SCAPER: variants seen among roughly 807,000 people sequenced by gnomAD.
SCAPER encodes S phase cyclin A-associated protein in the endoplasmic reticulum.
SCAPER carries 98 observed loss-of-function variants against 182.2 expected under a neutral mutation model. The ratio of observed to expected loss-of-function variants is 0.54; its 90% CI spans 0.46 to 0.64. The LOEUF (loss-of-function observed/expected upper bound fraction) is 0.64, where lower values mean the gene tolerates loss of function less well. SCAPER is among the 30% of genes least tolerant of loss of function. The pLI is 0.00. For synonymous variants in SCAPER, 605 were observed against 564.6 expected (o/e 1.07, Z -1.01); for missense variants, 1,432 against 1,690.0 (o/e 0.85, Z 2.68).
At chr15:76,517,295 G>A (rs2042502676) in intron 23 of SCAPER, among the ~76,000 whole-genome samples, 1 of 151,270 alleles carries the variant, frequency 6.6e-6, no homozygotes, top group Admixed American at 6.6e-5. Flanking sequence ...TAGAAGGGTT[G>A]CAAGGATAGT....
At chr15:76,733,121 A>C in intron 16 of SCAPER, 108 bp downstream of exon 16, 9 of 970,326 alleles carry the variant, frequency 9.3e-6, no homozygotes, top group African/African-American at 1.6e-5. Flanking sequence ...TTATTTCTAC[A>C]ATCTCCCATC....
At chr15:76,397,006 AG>A (rs1459628318) in intron 27 of SCAPER, among the ~76,000 whole-genome samples, 47 of 133,056 alleles carry the variant, frequency 3.5e-4, no homozygotes, top group Non-Finnish European at 7.0e-4. Flanking sequence ...ATTTTTTGAG[AG>A]TTTTTTTTTT....
chr15:76,567,031 A>G (rs1027401706), intron 23 of SCAPER, among the ~76,000 whole-genome samples: 3 of 152,042 alleles, frequency 2.0e-5, no homozygotes, highest in African/African-American at 7.2e-5. Context: ...CATGATCCTG[A>G]TTTTTAGGAA....
At chr15:76,535,439 G>A (rs994982665) in intron 23 of SCAPER, among the ~76,000 whole-genome samples, 2 of 143,696 alleles carry the variant, frequency 1.4e-5, no homozygotes, top group Admixed American at 7.2e-5. Context: ...GGAGAATGGT[G>A]TGAACCCAGG....
intron 22 of SCAPER, among the ~76,000 whole-genome samples, chr15:76,592,145 G>T (rs1238864272): frequency 6.6e-6 from 1 of 151,476 alleles, no homozygotes; most frequent in Non-Finnish European, 1.5e-5. Context: ...GAGATATATA[G>T]GTAATATATA....
intron 22 of SCAPER, among the ~76,000 whole-genome samples, chr15:76,584,803 C>A (rs1318557146): frequency 6.6e-6 from 1 of 152,172 alleles, no homozygotes; most frequent in Admixed American, 6.5e-5. Flanking sequence ...CCTCCTGCCT[C>A]AGCCTCCCAA....
At chr15:76,460,322 A>G (rs2049068952) in intron 25 of SCAPER, among the ~76,000 whole-genome samples, 1 of 152,090 alleles carries the variant, frequency 6.6e-6, no homozygotes, top group South Asian at 2.1e-4. Flanking sequence ...TTTTATAGCT[A>G]TTATAGAAGG....
chr15:76,444,572 T>C (rs1398737030), intron 25 of SCAPER, among the ~76,000 whole-genome samples: 1 of 152,222 alleles, frequency 6.6e-6, no homozygotes, highest in East Asian at 1.9e-4. Context: ...AATTTACCTT[T>C]TGTTTATTCT....
chr15:76,683,508 TC>T (rs947479248), intron 20 of SCAPER, among the ~76,000 whole-genome samples: 5 of 151,896 alleles, frequency 3.3e-5, no homozygotes, highest in Non-Finnish European at 1.5e-5. Context: ...CATGAAAATT[TC>T]CCTGACCATG....
intron 25 of SCAPER, among the ~76,000 whole-genome samples, chr15:76,460,082 A>G (rs1023369603): frequency 1.3e-5 from 2 of 151,958 alleles, no homozygotes; most frequent in Admixed American, 6.6e-5. Flanking sequence ...GCCTTGTAAT[A>G]TATGATTTTT....
At chr15:76,754,857 T>G (rs1206154626) in intron 14 of SCAPER, among the ~76,000 whole-genome samples, 1 of 152,174 alleles carries the variant, frequency 6.6e-6, no homozygotes, top group Non-Finnish European at 1.5e-5. Context: ...TCTCCTAGAT[T>G]GTTTTTACTT....
chr15:76,646,681 C>A (rs1309965505), intron 21 of SCAPER, among the ~76,000 whole-genome samples: 3 of 152,190 alleles, frequency 2.0e-5, no homozygotes, highest in Non-Finnish European at 4.4e-5. Context: ...TGACTCACAG[C>A]GACTCCTTTT....
chr15:76,667,239 A>G (rs1291594983), intron 20 of SCAPER, among the ~76,000 whole-genome samples: 3 of 152,098 alleles, frequency 2.0e-5, no homozygotes, highest in Non-Finnish European at 4.4e-5. Context: ...CCTTAGTCCT[A>G]CAGATAATTT....
Position 76,859,516 on chromosome 15 carries a change from C to T in SCAPER, c.125-1637G>A, listed in dbSNP as rs542903578. On this transcript the variant is annotated intron_variant, in intron 3 of 31. Coordinates refer to ENST00000563290, the MANE Select transcript of SCAPER (RefSeq NM_020843.4). Reference sequence around the variant, plus strand: ...GAGAACTTTTTTTAAGTGGAATTATCCTCAGAAACACCTAAGTATATATTG... The same window carrying T: ...GAGAACTTTTTTTAAGTGGAATTATTCTCAGAAACACCTAAGTATATATTG... Among the ~76,000 whole-genome samples, 4 of 152,220 alleles carry T rather than the reference C, an allele frequency of 2.6e-5. No individual in the cohort carries two copies. The South Asian group carries it at 8.3e-4, about 32-fold the overall frequency.
chr15:76,667,954 C>T (rs568521914), intron 20 of SCAPER, among the ~76,000 whole-genome samples: 8 of 135,830 alleles, frequency 5.9e-5, no homozygotes, highest in Non-Finnish European at 1.4e-4. Context: ...CAAGGCAAGA[C>T]TGTCTTTAAA....
intron 22 of SCAPER, among the ~76,000 whole-genome samples, chr15:76,607,214 G>A (rs1301389484): frequency 2.0e-5 from 3 of 152,120 alleles, no homozygotes; most frequent in East Asian, 1.9e-4. Flanking sequence ...CAGGCCTGGT[G>A]GTGACAAAAT....
At chr15:76,717,497 A>G (rs938255650) in intron 17 of SCAPER, among the ~76,000 whole-genome samples, 3 of 152,180 alleles carry the variant, frequency 2.0e-5, no homozygotes, top group Non-Finnish European at 4.4e-5. Context: ...AATACATAAT[A>G]TAAAAAGATG....
chr15:76,544,690 T>C (rs2045097822), intron 23 of SCAPER, among the ~76,000 whole-genome samples: 1 of 152,120 alleles, frequency 6.6e-6, no homozygotes, highest in South Asian at 2.1e-4. Flanking sequence ...TGACTGGCAA[T>C]GGGTACAGGG....
chr15:76,583,101 C>T (rs2048376053), intron 22 of SCAPER, among the ~76,000 whole-genome samples: 1 of 152,048 alleles, frequency 6.6e-6, no homozygotes, highest in African/African-American at 2.4e-5. Context: ...AACTGTAATC[C>T]CAGCACTTTG....
Sources: gnomAD v4.1 joint callset for allele counts (sites outside exome capture counted in the v4.1 genomes callset) on GRCh38, gnomAD v4.1.1 for gene constraint, MANE v1.5 for transcripts, NCBI Gene and HGNC (gene_info 2026-07-23, HGNC 2026-07-21) for gene names.